The following KLHL2 variants were observed in gnomAD, a reference collection of about 807,000 sequenced individuals.
The protein encoded by KLHL2 is kelch-like protein 2.
Under a neutral mutation model 75.8 loss-of-function variants are expected in KLHL2, and 15 were observed. The observed-to-expected ratio is 0.20, with a 90% CI of 0.13 to 0.30. The LOEUF (loss-of-function observed/expected upper bound fraction) is 0.30. Ranked by LOEUF, KLHL2 falls within the 10% of genes least tolerant of loss-of-function variation. KLHL2 has a pLI of 1.00. For synonymous variants in KLHL2, 214 were observed against 251.9 expected (o/e 0.85, Z 1.42); for missense variants, 381 against 741.0 (o/e 0.51, Z 5.64).
intron 9 of KLHL2, among the ~76,000 whole-genome samples, chr4:165,307,973 A>G (rs777866719): frequency 2.1e-4 from 32 of 152,140 alleles, no homozygotes; most frequent in Admixed American, 5.2e-4. Flanking sequence ...TGCTGCCTTT[A>G]TCATGTATTA....
At chr4:165,218,355 G>T (rs544169291) in intron 1 of KLHL2, among the ~76,000 whole-genome samples, 1 of 152,090 alleles carries the variant, frequency 6.6e-6, no homozygotes, top group Non-Finnish European at 1.5e-5. Context: ...AGCTGCATGG[G>T]TCACAGTTCC....
intron 13 of KLHL2, among the ~76,000 whole-genome samples, chr4:165,315,381 G>A (rs564633667): frequency 3.9e-5 from 6 of 152,266 alleles, no homozygotes; most frequent in African/African-American, 1.2e-4. Flanking sequence ...GTGTGGGAAA[G>A]GGTAGGATTT....
At chr4:165,263,051 A>T in intron 4 of KLHL2, 146 bp from the exon 5 acceptor site, 1 of 647,200 alleles carries the variant, frequency 1.5e-6, no homozygotes. Context: ...ATTAAAAATA[A>T]TTTTTATATT....
At chr4:165,271,676 T>C (rs1284022777) in intron 5 of KLHL2, among the ~76,000 whole-genome samples, 2 of 152,358 alleles carry the variant, frequency 1.3e-5, no homozygotes, top group East Asian at 3.9e-4. Context: ...GTCTGGGACT[T>C]ACGGAAGTTG....
intron 9 of KLHL2, among the ~76,000 whole-genome samples, chr4:165,308,522 A>C (rs976607996): frequency 1.3e-5 from 2 of 152,072 alleles, no homozygotes; most frequent in African/African-American, 2.4e-5. Context: ...TAACTTTGGG[A>C]GGTTATCATA....
rs1747043604 is a variant in KLHL2 at position 165,322,282 on chromosome 4, A to G, written c.*222A>G. ...ATGAGCAGCAGCTGACTGAATTTTC[A>G]TAAGAAACTTGGACTGCAGGACTTA... On this transcript the variant is annotated 3_prime_UTR_variant, in exon 15 of 15. Transcript: ENST00000226725. 3.7e-6 allele frequency: 2 copies of G among 536,878 alleles called. No homozygotes were observed. Among genetic ancestry groups the G allele is most frequent in the South Asian group, 2.6e-5 (1 of 39,132 alleles). The allele number at this position is 536,878 out of a possible 1,614,324, so 33.3% of individuals were successfully genotyped here.
intron 4 of KLHL2, chr4:165,240,388 A>C (rs1037976995): frequency 1.3e-5 from 2 of 152,208 alleles, no homozygotes; most frequent in Non-Finnish European, 2.9e-5. Flanking sequence ...CATGTGAAAT[A>C]CTGGCAGTAG....
chr4:165,231,337 T>C (rs1738870189), intron 3 of KLHL2, among the ~76,000 whole-genome samples: 1 of 152,198 alleles, frequency 6.6e-6, no homozygotes, highest in Non-Finnish European at 1.5e-5. Context: ...TAGTCCCAGC[T>C]ACTCAGGAGG....
chr4:165,290,764 C>T (rs1320248308), intron 5 of KLHL2, among the ~76,000 whole-genome samples: 2 of 152,032 alleles, frequency 1.3e-5, no homozygotes, highest in Non-Finnish European at 2.9e-5. Flanking sequence ...GTCAGGAGTT[C>T]GAGACCAGCC....
intron 4 of KLHL2, chr4:165,252,437 T>C (rs1740812577): frequency 6.6e-6 from 1 of 152,092 alleles, no homozygotes. Flanking sequence ...TATTGACATA[T>C]AGTCTTAAAA....
At chr4:165,306,037 CTAGG>C (rs1745704552) in intron 9 of KLHL2, among the ~76,000 whole-genome samples, 1 of 152,154 alleles carries the variant, frequency 6.6e-6, no homozygotes, top group African/African-American at 2.4e-5. Flanking sequence ...ACCCTTAGTT[CTAGG>C]AGATTCCCTC....
chr4:165,226,973 G>A (rs1738491542), intron 2 of KLHL2, among the ~76,000 whole-genome samples: 1 of 152,126 alleles, frequency 6.6e-6, no homozygotes, highest in South Asian at 2.1e-4. Flanking sequence ...AATAATACAT[G>A]CAGGTAAAAC....
intron 11 of KLHL2, among the ~76,000 whole-genome samples, chr4:165,311,809 CTGTGTG>C (rs60870309): frequency 0.022 from 3,150 of 144,860 alleles, 82 homozygotes; most frequent in African/African-American, 0.065. Context: ...TCCTTTCTCT[CTGTGTG>C]TGTGTGTGTG....
chr4:165,280,421 G>A lies in KLHL2; in HGVS notation c.545-13938G>A, dbSNP rs183298507. Among the ~76,000 whole-genome samples the A allele has an allele frequency of 1.9e-3, 285 of 152,306 alleles. 4 individuals carry two copies. Among genetic ancestry groups the A allele is most frequent in the Middle Eastern group, 0.014 (4 of 294 alleles). ...TCTGTAATTTAGGCTAGGAATCACT[G>A]CTTGGAATAAACATCGGTTAGAATA... On this transcript the variant is annotated intron_variant, in intron 5 of 14. Transcript: ENST00000226725.
At chr4:165,295,215 T>G (rs1225160852) in intron 6 of KLHL2, among the ~76,000 whole-genome samples, 2 of 152,210 alleles carry the variant, frequency 1.3e-5, no homozygotes, top group East Asian at 1.9e-4. Flanking sequence ...GCACAAAAGC[T>G]GTGCTTAGAG....
chr4:165,243,412 A>G (rs544284124), intron 4 of KLHL2, among the ~76,000 whole-genome samples: 2 of 152,346 alleles, frequency 1.3e-5, no homozygotes, highest in South Asian at 4.1e-4. Flanking sequence ...GTACTCATCT[A>G]CAGATTCTTT....
intron 8 of KLHL2, among the ~76,000 whole-genome samples, chr4:165,300,672 C>A (rs748677632): frequency 6.6e-6 from 1 of 152,142 alleles, no homozygotes; most frequent in Non-Finnish European, 1.5e-5. Context: ...TATAGTACGA[C>A]CAATACTTTA....
intron 7 of KLHL2, among the ~76,000 whole-genome samples, chr4:165,298,990 C>T (rs999670176): frequency 2.8e-5 from 4 of 142,524 alleles, no homozygotes; most frequent in Admixed American, 1.5e-4. Context: ...GCCTGTCCTG[C>T]GTTTGAGGTC....
At chr4:165,278,164 C>G in intron 5 of KLHL2, 1 of 1,438,120 alleles carries the variant, frequency 7.0e-7, no homozygotes, top group African/African-American at 1.4e-5. Context: ...TTTCACTTTC[C>G]TCAGCATTAA....
Sources: gnomAD v4.1 joint callset for allele counts (sites outside exome capture counted in the v4.1 genomes callset) on GRCh38, gnomAD v4.1.1 for gene constraint, MANE v1.5 for transcripts, NCBI Gene and HGNC (gene_info 2026-07-23, HGNC 2026-07-21) for gene names.